Variants in ZNF681 observed in about 807,000 individuals in gnomAD.
ZNF681 encodes hypothetical protein FLJ31526.
ZNF681 carries 37 observed loss-of-function variants against 56.0 expected under a neutral mutation model. That is an observed-to-expected ratio of 0.66 (90% CI 0.51 to 0.87). The LOEUF (loss-of-function observed/expected upper bound fraction) is 0.87, where lower values mean the gene tolerates loss of function less well. Among genes scored for constraint, ZNF681 ranks in the 40% least tolerant of loss-of-function variants. The pLI, the probability that ZNF681 is intolerant of heterozygous loss-of-function variation, is 0.00. For missense variants in ZNF681, 741 were observed against 744.9 expected, an observed-to-expected ratio of 0.99 and a Z score of 0.06; for synonymous variants, 225 against 248.6, an observed-to-expected ratio of 0.91 and a Z score of 0.89.
At position 23,743,598 on chromosome 19, in the gene ZNF681, C is replaced by T. The variant is rs200005657; in HGVS notation, c.*14G>A. The T allele has an allele frequency of 1.7e-4, 255 of 1,463,280 alleles. No individual in the cohort carries two copies. Among genetic ancestry groups the T allele is most frequent in the Non-Finnish European group, 2.2e-4 (241 of 1,108,186 alleles). 90.6% of individuals were successfully genotyped at this position (1,463,280 alleles called of 1,614,324 possible). On this transcript the variant is annotated 3_prime_UTR_variant, in exon 4 of 4. Coordinates refer to ENST00000402377, the MANE Select transcript of ZNF681 (RefSeq NM_138286.3). Reference sequence around the variant, plus strand: ...GTGACAACTTTTAAAGGTTTTGTTACATTCTTCACATTTCTAAGATTTCTC... The same window carrying T: ...GTGACAACTTTTAAAGGTTTTGTTATATTCTTCACATTTCTAAGATTTCTC...
intron 1 of ZNF681, among the ~76,000 whole-genome samples, chr19:23,756,386 A>G (rs1672197552): frequency 6.6e-6 from 1 of 152,028 alleles, no homozygotes; most frequent in South Asian, 2.1e-4. Flanking sequence ...ATATGGAACC[A>G]ACCTAAATAC....
chr19:23,753,346 C>CCG (rs1969061875), intron 3 of ZNF681, among the ~76,000 whole-genome samples: 1 of 152,296 alleles, frequency 6.6e-6, no homozygotes, highest in Non-Finnish European at 1.5e-5. Context: ...TTGCAGTGAG[C>CCG]TGAGATCGCA....
chr19:23,752,880 C>G (rs1047005857), intron 3 of ZNF681, among the ~76,000 whole-genome samples: 1 of 151,858 alleles, frequency 6.6e-6, no homozygotes, highest in Non-Finnish European at 1.5e-5. Flanking sequence ...ACTGTTAGTA[C>G]GTGGCAAAAG....
intron 1 of ZNF681, among the ~76,000 whole-genome samples, chr19:23,756,902 G>C (rs188701969): frequency 6.6e-6 from 1 of 151,368 alleles, no homozygotes; most frequent in Non-Finnish European, 1.5e-5. Flanking sequence ...TTGGAGTCTC[G>C]CTCTGTCACC....
Position 23,741,363 on chromosome 19 carries a change from T to C in ZNF681, c.*2249A>G, listed in dbSNP as rs1349295601. On this transcript the variant is annotated 3_prime_UTR_variant, in exon 4 of 4. Transcript: ENST00000402377. ...ATGTATGCATTTTGTTTATATTGTT[T>C]TCTTATGACCATAAAAGAGACCCTG... The C allele has an allele frequency of 1.3e-5, 2 of 152,202 alleles. No homozygotes were observed. The highest frequency in any genetic ancestry group is 1.3e-4 in the Admixed American group (2 of 15,276). 9.4% of individuals were successfully genotyped at this position (152,202 alleles called of 1,614,324 possible). A position where few individuals can be genotyped will look rare whatever the true frequency, so the allele number is the denominator to read the frequency against.
chr19:23,747,368 G>A (rs1029955600), intron 3 of ZNF681, among the ~76,000 whole-genome samples: 89 of 152,032 alleles, frequency 5.9e-4, no homozygotes, highest in Admixed American at 1.0e-3. Context: ...GGCCGGGCGC[G>A]GTGGCTCAAG....
chr19:23,744,983 T>C lies in ZNF681; in HGVS notation c.567A>G (p.Lys189=), dbSNP rs1002446725. ...FCIFSNLTQH[K]IICTRVNFYK... is the part of the protein sequence containing the mutation. ...AGAAATTTACTCTAGTACAAATTAT[T>C]TTATGTTGAGTTAGGTTTGAAAATA... Residue 189 remains lysine (K), a synonymous_variant, in exon 4 of 4, where the codon AAA becomes AAG. Coordinates refer to ENST00000402377, the MANE Select transcript of ZNF681 (RefSeq NM_138286.3). 3.7e-6 allele frequency: 6 copies of C among 1,600,198 alleles called. No homozygotes were observed. The highest frequency in any genetic ancestry group is 5.1e-6 in the Non-Finnish European group (6 of 1,173,732).
intron 3 of ZNF681, among the ~76,000 whole-genome samples, chr19:23,745,887 GAAAAT>G (rs1375384485): frequency 6.6e-6 from 1 of 152,184 alleles, no homozygotes; most frequent in Non-Finnish European, 1.5e-5. Flanking sequence ...CACATAGAAA[GAAAAT>G]AAAAGCCTGT....
chr19:23,750,907 T>G (rs1226150343), intron 3 of ZNF681, among the ~76,000 whole-genome samples: 1 of 150,272 alleles, frequency 6.7e-6, no homozygotes, highest in Non-Finnish European at 1.5e-5. Context: ...GTGGATCATC[T>G]GAGGTTGAAG....
chr19:23,752,054 T>A (rs10854078), intron 3 of ZNF681, among the ~76,000 whole-genome samples: 148,896 of 152,170 alleles, frequency 0.98, 72,941 homozygotes, highest in Middle Eastern at 1. Flanking sequence ...AGACCCAATC[T>A]CCAAATTAAG....
chr19:23,752,163 C>T (rs183680254), intron 3 of ZNF681, among the ~76,000 whole-genome samples: 77 of 152,288 alleles, frequency 5.1e-4, no homozygotes, highest in African/African-American at 1.8e-3. Flanking sequence ...TGGCAAACTA[C>T]AGAACTCCTA....
intron 1 of ZNF681, among the ~76,000 whole-genome samples, chr19:23,758,461 C>T (rs1969158776): frequency 6.6e-6 from 1 of 152,178 alleles, no homozygotes; most frequent in Non-Finnish European, 1.5e-5. Context: ...GGATTCGCCC[C>T]TGACGACCCT....
In ZNF681 at chr19:23,743,910, G is replaced by A. The variant is rs752740237; in HGVS notation, c.1640C>T (p.Ser547Leu). 1 of 1,603,338 alleles carries A rather than the reference G, an allele frequency of 6.2e-7. No homozygotes were observed. Among genetic ancestry groups the A allele is most frequent in the Non-Finnish European group, 8.5e-7 (1 of 1,172,450 alleles). The part of the protein sequence containing the change: ...EECGKAFNHS[S>L]HLATHKVIHT... The stretch of plus-strand genomic sequence containing the variant: ...AATTACCTTATGTGTAGCAAGATGT[G>A]AGGAATGGTTAAAGGCTTTGCCACA... The change falls in exon 4 of 4, where the codon TCA (serine) becomes TTA (leucine). Residue 547 changes from serine (S) to leucine (L), a missense_variant. By Grantham distance (145) the Ser-to-Leu change is moderately radical. Transcript: ENST00000402377.
At chr19:23,748,272 AC>A (rs1249170324) in intron 3 of ZNF681, among the ~76,000 whole-genome samples, 1 of 152,184 alleles carries the variant, frequency 6.6e-6, no homozygotes, top group African/African-American at 2.4e-5. Context: ...GAGGGTCATG[AC>A]CAACTCAGCA....
In ZNF681 at chr19:23,740,748, T is replaced by A. The variant is rs774207014; in HGVS notation, c.*2864A>T. 1.3e-5 allele frequency: 2 copies of A among 152,102 alleles called. No individual in the cohort carries two copies. The highest frequency in any genetic ancestry group is 2.9e-5 in the Non-Finnish European group (2 of 68,004). 9.4% of individuals were successfully genotyped at this position (152,102 alleles called of 1,614,324 possible). On this transcript the variant is annotated 3_prime_UTR_variant, in exon 4 of 4. Transcript: ENST00000402377. ...TAAAAAAAGTAGGCTTATACAGCGT[T>A]CTCCAATTAAAAGAACAAAATAAAA...
Position 23,743,292 on chromosome 19 carries a change from T to C in ZNF681, c.*320A>G. On this transcript the variant is annotated 3_prime_UTR_variant, in exon 4 of 4. Coordinates refer to ENST00000402377, the MANE Select transcript of ZNF681 (RefSeq NM_138286.3). ...CAACCCTCCTTATGTTCATAATGTG[T>C]GTCTTCAAAATGAATACTCTTCACT... The C allele has an allele frequency of 5.6e-6, 1 of 179,114 alleles. No homozygotes were observed. The highest frequency in any genetic ancestry group is 5.7e-5 in the Admixed American group (1 of 17,572). The allele number at this position is 179,114 out of a possible 1,614,324, so 11.1% of individuals were successfully genotyped here. A position where few individuals can be genotyped will look rare whatever the true frequency, so the allele number is the denominator to read the frequency against.
In ZNF681 at chr19:23,741,336, A is replaced by G. The variant is rs966793020; in HGVS notation, c.*2276T>C. 1 of 152,216 alleles carries G rather than the reference A, an allele frequency of 6.6e-6. No individual in the cohort carries two copies. Among genetic ancestry groups the G allele is most frequent in the Non-Finnish European group, 1.5e-5 (1 of 68,046 alleles). The allele number at this position is 152,216 out of a possible 1,614,324, so 9.4% of individuals were successfully genotyped here. A position where few individuals can be genotyped will look rare whatever the true frequency, so the allele number is the denominator to read the frequency against. ...TTTTTAATGTTAATTCAGGTCTCAGAAATGTATGCATTTTGTTTATATTGT... is the reference window on the plus strand; with the variant it reads ...TTTTTAATGTTAATTCAGGTCTCAGGAATGTATGCATTTTGTTTATATTGT... On this transcript the variant is annotated 3_prime_UTR_variant, in exon 4 of 4. Transcript: ENST00000402377.
At chr19:23,756,092 G>A (rs1035194802) in intron 1 of ZNF681, among the ~76,000 whole-genome samples, 1 of 152,088 alleles carries the variant, frequency 6.6e-6, no homozygotes, top group Non-Finnish European at 1.5e-5. Flanking sequence ...TTGGGAGGCT[G>A]AGGCGGGTGG....
chr19:23,749,359 T>C (rs1968991141), intron 3 of ZNF681, among the ~76,000 whole-genome samples: 1 of 152,176 alleles, frequency 6.6e-6, no homozygotes, highest in Non-Finnish European at 1.5e-5. Flanking sequence ...TGTTACTTAA[T>C]GGATATTGAG....
Sources: gnomAD v4.1 joint callset for allele counts (sites outside exome capture counted in the v4.1 genomes callset) on GRCh38, gnomAD v4.1.1 for gene constraint, MANE v1.5 for transcripts, NCBI Gene and HGNC (gene_info 2026-07-23, HGNC 2026-07-21) for gene names.